Variants in ASPRV1 observed in about 807,000 individuals in gnomAD.
ASPRV1 encodes aspartic peptidase retroviral like 1.
In ASPRV1, 7 loss-of-function variants were observed where a neutral mutation model predicts 11.0. That is an observed-to-expected ratio of 0.64 (90% CI 0.36 to 1.20). The LOEUF is 1.20. Ranked by LOEUF, ASPRV1 falls within the 50% of genes most tolerant of loss-of-function variation. The pLI is 0.02. For synonymous variants in ASPRV1, 136 were observed against 138.4 expected (o/e 0.98, Z 0.12); for missense variants, 299 against 320.0 (o/e 0.93, Z 0.50).
At chr2:70,080,228 TTC>T in the ASPRV1 span, among the ~76,000 whole-genome samples, 3 of 137,670 alleles carry the variant, frequency 2.2e-5, no homozygotes, top group Non-Finnish European at 4.4e-5. Context: ...GCCCTGCCCC[TTC>T]TGTTTTTTTT....
chr2:69,935,513 G>T, the ASPRV1 span: 1 of 1,331,274 alleles, frequency 7.5e-7, no homozygotes. Flanking sequence ...GTTCAGTGAG[G>T]GTTTGTCTGT....
chr2:69,969,652 C>T, the ASPRV1 span, among the ~76,000 whole-genome samples: 1 of 152,144 alleles, frequency 6.6e-6, no homozygotes, highest in Non-Finnish European at 1.5e-5. Context: ...ATCCTCTCCC[C>T]ACTGCCCCAG....
chr2:69,961,960 C>A (rs972651678), upstream of ASPRV1: 7 of 387,742 alleles, frequency 1.8e-5, no homozygotes, highest in East Asian at 8.0e-5. Context: ...AGGGACCAGA[C>A]GCCCATCAGC....
chr2:69,963,874 G>A (rs552419994), upstream of ASPRV1, among the ~76,000 whole-genome samples: 16 of 152,150 alleles, frequency 1.1e-4, no homozygotes, highest in Admixed American at 3.3e-4. Context: ...GAGGTGAAGC[G>A]CTGGGCTGAG....
At chr2:70,056,805 T>C in the ASPRV1 span, among the ~76,000 whole-genome samples, 2 of 151,804 alleles carry the variant, frequency 1.3e-5, no homozygotes, top group East Asian at 4.0e-4. Flanking sequence ...CTCGGCTCCC[T>C]GCCACTGCAA....
the ASPRV1 span, chr2:70,083,550 A>G: frequency 6.6e-6 from 1 of 152,136 alleles, no homozygotes; most frequent in African/African-American, 2.4e-5. Context: ...GTGGTCACTG[A>G]GAGGAGGCGA....
chr2:69,942,960 A>T, the ASPRV1 span: 1 of 152,162 alleles, frequency 6.6e-6, no homozygotes, highest in South Asian at 2.1e-4. Flanking sequence ...GGTCTTTCTG[A>T]TGTTTTGTAT....
At chr2:70,043,140 G>A in the ASPRV1 span, among the ~76,000 whole-genome samples, 5 of 152,120 alleles carry the variant, frequency 3.3e-5, no homozygotes, top group Non-Finnish European at 7.4e-5. Flanking sequence ...TCTCTCTTTG[G>A]AAGAACTCAG....
At chr2:69,962,063 A>C, upstream of ASPRV1, 2 of 200,352 alleles carry the variant, frequency 1.0e-5, no homozygotes, top group Non-Finnish European at 2.3e-5. Context: ...AGCTCCTACC[A>C]CATGCCAGGC....
chr2:69,964,176 C>A (rs1678253132), upstream of ASPRV1: 1 of 320,616 alleles, frequency 3.1e-6, no homozygotes, highest in South Asian at 2.4e-5. Context: ...AACCTCCACC[C>A]CTGCTTAGCT....
chr2:70,034,458 C>G, the ASPRV1 span, among the ~76,000 whole-genome samples: 1 of 151,756 alleles, frequency 6.6e-6, no homozygotes, highest in East Asian at 1.9e-4. Context: ...GTAGTCCCAG[C>G]TACTCAGGAG....
chr2:69,994,803 C>G, the ASPRV1 span, among the ~76,000 whole-genome samples: 2 of 151,360 alleles, frequency 1.3e-5, no homozygotes, highest in African/African-American at 2.4e-5. Flanking sequence ...CAAGACCATC[C>G]TGGCTAACAC....
At chr2:70,077,651 C>T in the ASPRV1 span, among the ~76,000 whole-genome samples, 4 of 151,196 alleles carry the variant, frequency 2.6e-5, no homozygotes, top group African/African-American at 9.7e-5. Flanking sequence ...GTCAGGAGTT[C>T]GAGACCAGCC....
the ASPRV1 span, among the ~76,000 whole-genome samples, chr2:70,023,541 C>T: frequency 6.6e-6 from 1 of 152,036 alleles, no homozygotes; most frequent in African/African-American, 2.4e-5. Context: ...GGCATGGTGG[C>T]ACACACCTGT....
the ASPRV1 span, chr2:70,014,701 G>A: frequency 6.6e-6 from 1 of 150,560 alleles, no homozygotes; most frequent in Non-Finnish European, 1.5e-5. Context: ...TTGGGAGGCT[G>A]AGGTGGGAGC....
the ASPRV1 span, among the ~76,000 whole-genome samples, chr2:69,945,790 C>T: frequency 6.6e-6 from 1 of 152,148 alleles, no homozygotes; most frequent in African/African-American, 2.4e-5. Context: ...CAGGTCTGAG[C>T]GGGTGGACTG....
At chr2:69,940,764 G>T in the ASPRV1 span, 1 of 152,580 alleles carries the variant, frequency 6.6e-6, no homozygotes, top group East Asian at 1.9e-4. Flanking sequence ...TACTTTCAAA[G>T]CTTGAGGTAG....
At chr2:70,074,162 A>G in the ASPRV1 span, among the ~76,000 whole-genome samples, 2 of 146,500 alleles carry the variant, frequency 1.4e-5, no homozygotes, top group African/African-American at 5.1e-5. Context: ...AAAAAAAAAC[A>G]GAAATCACAA....
At chr2:70,079,343 G>C in the ASPRV1 span, among the ~76,000 whole-genome samples, 1 of 152,124 alleles carries the variant, frequency 6.6e-6, no homozygotes, top group Admixed American at 6.6e-5. Context: ...CAGGCATGGT[G>C]GTGGGTACCT....
Sources: allele counts gnomAD v4.1 joint callset (sites outside exome capture counted in the v4.1 genomes callset), GRCh38; gene constraint gnomAD v4.1.1; transcripts MANE v1.5; gene names NCBI Gene and HGNC (gene_info 2026-07-23, HGNC 2026-07-21).